Variants in WNT2 observed in about 807,000 individuals in gnomAD.
The protein encoded by WNT2 is Wnt family member 2.
Under a neutral mutation model 36.9 loss-of-function variants are expected in WNT2, and 12 were observed. The ratio of observed to expected loss-of-function variants is 0.33; its 90% CI spans 0.21 to 0.53. WNT2 has a LOEUF of 0.53. WNT2 is among the 20% of genes least tolerant of loss of function. WNT2 has a pLI of 0.95. For missense variants in WNT2, 379 were observed against 473.1 expected (o/e 0.80, Z 1.84); for synonymous variants, 163 against 174.6 (o/e 0.93, Z 0.52).
At chr7:117,278,779 C>T (rs927723410) in intron 4 of WNT2, among the ~76,000 whole-genome samples, 6 of 152,218 alleles carry the variant, frequency 3.9e-5, no homozygotes, top group Non-Finnish European at 8.8e-5. Context: ...CTCCCTACCT[C>T]AAACCACATT....
chr7:117,292,618 C>T (rs758311663), intron 4 of WNT2, among the ~76,000 whole-genome samples: 98 of 152,292 alleles, frequency 6.4e-4, no homozygotes, highest in Admixed American at 3.3e-3. Flanking sequence ...AGTTCACTAG[C>T]CTAGTAGCGT....
intron 2 of WNT2, among the ~76,000 whole-genome samples, chr7:117,319,215 A>G (rs1307884707): frequency 6.6e-6 from 1 of 152,224 alleles, no homozygotes; most frequent in Non-Finnish European, 1.5e-5. Context: ...AATCTAGGTG[A>G]AGTCTTAAAA....
At chr7:117,297,002 G>A (rs566836524) in intron 4 of WNT2, among the ~76,000 whole-genome samples, 43 of 152,340 alleles carry the variant, frequency 2.8e-4, no homozygotes, top group African/African-American at 9.4e-4. Context: ...AGTCACAGTG[G>A]TGGGATTTAA....
chr7:117,312,136 G>C (rs988406198), intron 3 of WNT2, among the ~76,000 whole-genome samples: 1 of 152,118 alleles, frequency 6.6e-6, no homozygotes, highest in Non-Finnish European at 1.5e-5. Flanking sequence ...AGAAGAAAGA[G>C]TGAACTAACT....
intron 3 of WNT2, among the ~76,000 whole-genome samples, chr7:117,313,599 A>G (rs1048107023): frequency 2.0e-5 from 3 of 152,232 alleles, no homozygotes; most frequent in Admixed American, 6.5e-5. Flanking sequence ...TTTGGATACA[A>G]TATCTTTTAT....
chr7:117,315,333 G>C lies in WNT2; in HGVS notation c.326C>G (p.Ala109Gly), dbSNP rs1795196153. The part of the protein sequence containing the change: ...RVLLRSSRES[A>G]FVYAISSAGV... ...AGCTGAGGAGATGGCATAAACAAAG[G>C]CAGATTCCCGACTACCTGAAACAAA... The change falls in exon 3 of 5, where the codon GCC (alanine) becomes GGC (glycine). Residue 109 changes from alanine (A) to glycine (G), a missense_variant. Transcript: ENST00000265441. 2 of 1,612,804 alleles carry C rather than the reference G, an allele frequency of 1.2e-6. No homozygotes were observed. Among genetic ancestry groups the C allele is most frequent in the Admixed American group, 3.3e-5 (2 of 59,824 alleles).
intron 3 of WNT2, among the ~76,000 whole-genome samples, chr7:117,301,584 G>GT (rs897183756): frequency 2.6e-5 from 4 of 152,206 alleles, no homozygotes; most frequent in African/African-American, 4.8e-5. Context: ...GTCAGGCAAA[G>GT]TAAGTTATCG....
chr7:117,304,530 G>T (rs1794978672), intron 3 of WNT2, among the ~76,000 whole-genome samples: 1 of 150,318 alleles, frequency 6.7e-6, no homozygotes, highest in Non-Finnish European at 1.5e-5. Flanking sequence ...CCGCCTCCCA[G>T]GTTCAAACAA....
intron 4 of WNT2, among the ~76,000 whole-genome samples, chr7:117,288,869 C>T (rs546800446): frequency 6.6e-6 from 1 of 151,996 alleles, no homozygotes; most frequent in South Asian, 2.1e-4. Context: ...ATTCTGCCTA[C>T]AACATCAAAG....
intron 3 of WNT2, among the ~76,000 whole-genome samples, chr7:117,311,032 C>A (rs892516729): frequency 6.6e-6 from 1 of 152,150 alleles, no homozygotes; most frequent in African/African-American, 2.4e-5. Flanking sequence ...CAAAGTAATT[C>A]CTTAATAAAA....
chr7:117,279,511 G>T (rs1794442613), intron 4 of WNT2, among the ~76,000 whole-genome samples: 1 of 152,156 alleles, frequency 6.6e-6, no homozygotes, highest in Non-Finnish European at 1.5e-5. Context: ...AGTTGCTGTT[G>T]GCAGCTGTAC....
At chr7:117,303,235 T>A (rs1378408187) in intron 3 of WNT2, among the ~76,000 whole-genome samples, 2 of 152,174 alleles carry the variant, frequency 1.3e-5, no homozygotes, top group Non-Finnish European at 2.9e-5. Context: ...GGCGGGAGTC[T>A]GGGGCCTATG....
intron 4 of WNT2, among the ~76,000 whole-genome samples, chr7:117,291,911 G>A (rs1794696633): frequency 6.6e-6 from 1 of 152,028 alleles, no homozygotes; most frequent in African/African-American, 2.4e-5. Flanking sequence ...CCGAGTAGCT[G>A]GGATTACAGG....
At chr7:117,291,737 A>T (rs747558627) in intron 4 of WNT2, among the ~76,000 whole-genome samples, 3 of 152,186 alleles carry the variant, frequency 2.0e-5, no homozygotes, top group Non-Finnish European at 2.9e-5. Flanking sequence ...TGTTCTTGCC[A>T]TAATAATATC....
intron 3 of WNT2, among the ~76,000 whole-genome samples, chr7:117,311,252 GACAC>G (rs936928090): frequency 6.6e-6 from 1 of 152,104 alleles, no homozygotes; most frequent in African/African-American, 2.4e-5. Flanking sequence ...AATGTGTGAA[GACAC>G]ACACAAAGAA....
rs987643723 is a variant in WNT2, at chr7:117,278,509, G to T, written c.854-125C>A. On this transcript the variant is annotated intron_variant, in intron 4 of 4. Coordinates refer to ENST00000265441, the MANE Select transcript of WNT2 (RefSeq NM_003391.3). ...TGACCCTCTCTTCCTACAGCCTGGG[G>T]CTGTTATACTCGTTCTGTGGGCCCA... 8.6e-6 allele frequency: 8 copies of T among 928,128 alleles called. No individual in the cohort carries two copies. In the African/African-American group the frequency reaches 1.3e-4, roughly 15 times the overall value. 57.5% of individuals were successfully genotyped at this position (928,128 alleles called of 1,614,324 possible). A position where few individuals can be genotyped will look rare whatever the true frequency, so the allele number is the denominator to read the frequency against.
At chr7:117,306,719 A>G (rs1486361443) in intron 3 of WNT2, among the ~76,000 whole-genome samples, 1 of 149,944 alleles carries the variant, frequency 6.7e-6, no homozygotes, top group Non-Finnish European at 1.5e-5. Flanking sequence ...ATCAGTCCCC[A>G]CTCCTCCCCA....
intron 3 of WNT2, 61 bp from the exon 4 acceptor site, chr7:117,297,937 C>G (rs1215448934): frequency 1.3e-6 from 2 of 1,535,504 alleles, no homozygotes. Flanking sequence ...TGCTCCAACT[C>G]TCCTTACCTC....
intron 2 of WNT2, among the ~76,000 whole-genome samples, chr7:117,315,835 T>C (rs1795208240): frequency 6.6e-6 from 1 of 152,226 alleles, no homozygotes; most frequent in Non-Finnish European, 1.5e-5. Context: ...AAGATACTCA[T>C]ATGCACTTAA....
Sources: allele counts gnomAD v4.1 joint callset (sites outside exome capture counted in the v4.1 genomes callset), GRCh38; gene constraint gnomAD v4.1.1; transcripts MANE v1.5; gene names NCBI Gene and HGNC (gene_info 2026-07-23, HGNC 2026-07-21).